ARF3: variants seen among roughly 807,000 people sequenced by gnomAD.
ARF3 encodes the protein ADP-ribosylation factor 3.
A neutral mutation model predicts 19.3 loss-of-function variants in ARF3; 5 were observed. The ratio of observed to expected loss-of-function variants is 0.26; its 90% CI spans 0.14 to 0.54. ARF3 has a LOEUF of 0.54. ARF3 is among the 20% of genes least tolerant of loss of function. ARF3 has a pLI of 0.95. For missense variants in ARF3, 77 were observed against 234.2 expected (o/e 0.33, Z 4.38); for synonymous variants, 71 against 89.2 (o/e 0.80, Z 1.15).
chr12:48,950,128 C>T (rs1940438623), intron 1 of ARF3, among the ~76,000 whole-genome samples: 1 of 152,220 alleles, frequency 6.6e-6, no homozygotes, highest in Admixed American at 6.5e-5. Context: ...TCATGGTGCG[C>T]TACAGCCTCA....
chr12:48,938,916 G>C lies in ARF3; in HGVS notation c.*31C>G, dbSNP rs778715183. The C allele has an allele frequency of 3.0e-5, 48 of 1,605,480 alleles. No individual in the cohort carries two copies. The highest frequency in any genetic ancestry group is 4.0e-5 in the Non-Finnish European group (47 of 1,175,704). ...GGTGACAGTAGGTATGTCAGGGGTG[G>C]GTGGGGTGCTTTGTTAGGGCTGTCT... is the stretch of plus-strand genomic sequence containing the variant. On this transcript the variant is annotated 3_prime_UTR_variant, in exon 5 of 5. Transcript: ENST00000256682.
rs1443438064 is a variant in ARF3, at chr12:48,938,469, T to C, written c.*478A>G. Reference sequence around the variant, plus strand: ...CCACAAATATATCTCTCTATACATGTATATACAGGCGCACACATGCACGCA... The same window carrying C: ...CCACAAATATATCTCTCTATACATGCATATACAGGCGCACACATGCACGCA... On this transcript the variant is annotated 3_prime_UTR_variant, in exon 5 of 5. Coordinates refer to ENST00000256682, the MANE Select transcript of ARF3 (RefSeq NM_001659.3). The C allele has an allele frequency of 8.8e-6, 4 of 452,042 alleles. No homozygotes were observed. The highest frequency in any genetic ancestry group is 1.8e-5 in the Non-Finnish European group (4 of 224,828). 28.0% of individuals were successfully genotyped at this position (452,042 alleles called of 1,614,324 possible).
In ARF3 at chr12:48,938,720, C is replaced by A; in HGVS notation, c.*227G>T. On this transcript the variant is annotated 3_prime_UTR_variant, in exon 5 of 5. Transcript: ENST00000256682. ...ACCGTAACAACTTTTTGTTTTAAAT[C>A]CAGTAAATTGGAATGACTCATCATC... 1 of 590,736 alleles carries A rather than the reference C, an allele frequency of 1.7e-6. No individual in the cohort carries two copies. The highest frequency in any genetic ancestry group is 3.0e-6 in the Non-Finnish European group (1 of 335,776). The allele number at this position is 590,736 out of a possible 1,614,324, so 36.6% of individuals were successfully genotyped here.
intron 1 of ARF3, among the ~76,000 whole-genome samples, chr12:48,956,830 C>A (rs916748741): frequency 3.9e-5 from 6 of 152,152 alleles, no homozygotes; most frequent in African/African-American, 1.2e-4. Context: ...CCTACGCACC[C>A]CTGCCCTATG....
intron 1 of ARF3, among the ~76,000 whole-genome samples, chr12:48,944,448 A>T (rs1940319995): frequency 6.6e-6 from 1 of 152,186 alleles, no homozygotes; most frequent in Non-Finnish European, 1.5e-5. Context: ...TAACCACTCA[A>T]TGTGGCACTT....
At position 48,939,917 on chromosome 12, in the gene ARF3, G is replaced by C. The variant is rs1001652270; in HGVS notation, c.259+80C>G. Reference sequence around the variant, plus strand: ...TTCTGCCCCCAGGAGCTGCAGCAGGGTAACAGTTGGCCACCCATTAACAAA... The same window carrying C: ...TTCTGCCCCCAGGAGCTGCAGCAGGCTAACAGTTGGCCACCCATTAACAAA... On this transcript the variant is annotated intron_variant, in intron 3 of 4. Transcript: ENST00000256682. The surrounding 1 kb of genome is among the most constrained non-coding windows in gnomAD (Gnocchi z 4.8). 4 of 1,584,256 alleles carry C rather than the reference G, an allele frequency of 2.5e-6. No individual in the cohort carries two copies. Among genetic ancestry groups the C allele is most frequent in the Non-Finnish European group, 3.5e-6 (4 of 1,153,564 alleles).
Position 48,936,386 on chromosome 12 carries a change from AG to A in ARF3, c.*2560del, listed in dbSNP as rs1263432757. The A allele has an allele frequency of 6.5e-6, 1 of 152,722 alleles. No individual in the cohort carries two copies. Among genetic ancestry groups the A allele is most frequent in the African/African-American group, 2.4e-5 (1 of 41,460 alleles). 9.5% of individuals were successfully genotyped at this position (152,722 alleles called of 1,614,324 possible). On this transcript the variant is annotated 3_prime_UTR_variant, in exon 5 of 5. Transcript: ENST00000256682. ...TGGGGTGGGGGGAGCGGGAGTCCTC[AG>A]GAAGCAGAAAGCTGGAATCAGGGAA...
At chr12:48,942,170 T>G (rs2137580253) in intron 1 of ARF3, among the ~76,000 whole-genome samples, 1 of 151,328 alleles carries the variant, frequency 6.6e-6, no homozygotes, top group Admixed American at 6.6e-5. Context: ...CCCCTACTTC[T>G]CTCATGAGAT....
At chr12:48,940,182 T>G (rs1450675393) in intron 2 of ARF3, 75 bp from the exon 3 acceptor site, 20 of 1,273,778 alleles carry the variant, frequency 1.6e-5, no homozygotes, top group Non-Finnish European at 2.3e-5. Context: ...ATGAGTTTGG[T>G]TCTGCTTTCC....
At chr12:48,945,782 A>G (rs1260329786) in intron 1 of ARF3, among the ~76,000 whole-genome samples, 1 of 152,104 alleles carries the variant, frequency 6.6e-6, no homozygotes, top group Non-Finnish European at 1.5e-5. Flanking sequence ...CCTTGAAACT[A>G]ATGGATGTTA....
chr12:48,952,291 C>G (rs945242433), intron 1 of ARF3, among the ~76,000 whole-genome samples: 1 of 152,152 alleles, frequency 6.6e-6, no homozygotes, highest in Non-Finnish European at 1.5e-5. Flanking sequence ...CTGGCTTTTA[C>G]CACAGACAAC....
intron 1 of ARF3, among the ~76,000 whole-genome samples, chr12:48,950,906 C>T (rs1165206111): frequency 6.6e-6 from 1 of 152,066 alleles, no homozygotes; most frequent in African/African-American, 2.4e-5. Flanking sequence ...CTGCCTCAGC[C>T]TCTCAAGTAG....
At chr12:48,947,747 C>T (rs1217425213) in intron 1 of ARF3, among the ~76,000 whole-genome samples, 4 of 152,114 alleles carry the variant, frequency 2.6e-5, no homozygotes, top group Non-Finnish European at 5.9e-5. Flanking sequence ...GAGTAAAGCA[C>T]ATAGTATTAT....
In ARF3 at chr12:48,939,271, G is replaced by A. The variant is rs1410284687; in HGVS notation, c.385-163C>T. Reference sequence around the variant, plus strand: ...GAGCTACTTTGGATTTAGTCACCTAGAACTCAAGATCCAAAGCACTAGAGG... The same window carrying A: ...GAGCTACTTTGGATTTAGTCACCTAAAACTCAAGATCCAAAGCACTAGAGG... On this transcript the variant is annotated intron_variant, in intron 4 of 4. Coordinates refer to ENST00000256682, the MANE Select transcript of ARF3 (RefSeq NM_001659.3). This position sits in a 1 kb window ranked among gnomAD's most constrained non-coding sequence, Gnocchi z 4.8. Among the ~76,000 whole-genome samples the A allele has an allele frequency of 6.6e-6, 1 of 152,116 alleles. No individual in the cohort carries two copies. Among genetic ancestry groups the A allele is most frequent in the African/African-American group, 2.4e-5 (1 of 41,408 alleles).
intron 1 of ARF3, among the ~76,000 whole-genome samples, chr12:48,951,550 C>T (rs568724958): frequency 1.8e-4 from 27 of 149,442 alleles, no homozygotes; most frequent in Admixed American, 5.4e-4. Context: ...GTGACAAGAA[C>T]GCAACTCCAT....
At chr12:48,953,558 C>A (rs558994559) in intron 1 of ARF3, among the ~76,000 whole-genome samples, 12 of 152,272 alleles carry the variant, frequency 7.9e-5, no homozygotes, top group African/African-American at 2.9e-4. Context: ...AGGCTTTCAG[C>A]AGTAATGGGA....
At chr12:48,940,192 C>T in intron 2 of ARF3, 85 bp from the exon 3 acceptor site, 1 of 1,141,078 alleles carries the variant, frequency 8.8e-7, no homozygotes, top group Non-Finnish European at 1.3e-6. Flanking sequence ...TTCTGCTTTC[C>T]CCCAGTGGTG....
intron 1 of ARF3, among the ~76,000 whole-genome samples, chr12:48,945,314 TCA>T (rs1940339651): frequency 1.3e-5 from 2 of 151,928 alleles, no homozygotes; most frequent in South Asian, 4.2e-4. Context: ...GTGCGGTGGC[TCA>T]CACCTGTAAT....
At chr12:48,955,481 G>A (rs1448371532) in intron 1 of ARF3, among the ~76,000 whole-genome samples, 1 of 152,188 alleles carries the variant, frequency 6.6e-6, no homozygotes, top group Admixed American at 6.5e-5. Context: ...TGGGTCTTAA[G>A]TTTCCATTAT....
Sources: allele counts gnomAD v4.1 joint callset (sites outside exome capture counted in the v4.1 genomes callset), GRCh38; gene constraint gnomAD v4.1.1; non-coding constraint Gnocchi (gnomAD v3.1); transcripts MANE v1.5; gene names NCBI Gene and HGNC (gene_info 2026-07-23, HGNC 2026-07-21).